The following SCG3 variants were observed in gnomAD, a reference collection of about 807,000 sequenced individuals.
The protein encoded by SCG3 is secretogranin-3.
SCG3 carries 38 observed loss-of-function variants against 56.2 expected under a neutral mutation model. The observed-to-expected ratio is 0.68, with a 90% CI of 0.52 to 0.89. The LOEUF is 0.89. Ranked by LOEUF, SCG3 falls within the 40% of genes least tolerant of loss-of-function variation. The pLI, the probability that SCG3 is intolerant of heterozygous loss-of-function variation, is 0.00. For synonymous variants in SCG3, 176 were observed against 184.2 expected (o/e 0.96, Z 0.36); for missense variants, 524 against 540.7 (o/e 0.97, Z 0.31).
At position 51,688,397 on chromosome 15, in the gene SCG3, G is replaced by A. The variant is rs367809385; in HGVS notation, c.535G>A (p.Gly179Ser). The change falls in exon 5 of 12, where the codon GGC (glycine) becomes AGC (serine). Residue 179 changes from glycine (G) to serine (S), a missense_variant. Transcript: ENST00000220478. ...GATTGTTTCTAAACTACTTAATCTC[G>A]GCCTTGTAAGTCATTTGGTAGGAAA... ...DKIVSKLLNL[G>S]LITESQAHTL... 34 of 1,612,526 alleles carry A rather than the reference G, an allele frequency of 2.1e-5. No individual in the cohort carries two copies. In the South Asian group the frequency reaches 2.5e-4, roughly 12 times the overall value.
chr15:51,713,304 G>A, intron 10 of SCG3, 29 bp from the exon 11 acceptor site: 2 of 1,427,058 alleles, frequency 1.4e-6, no homozygotes, highest in Non-Finnish European at 2.0e-6. Context: ...TTTCCTGAGT[G>A]TTTGATATAG....
At chr15:51,683,846 T>G (rs1030515211) in intron 4 of SCG3, among the ~76,000 whole-genome samples, 2 of 152,228 alleles carry the variant, frequency 1.3e-5, no homozygotes, top group Non-Finnish European at 2.9e-5. Flanking sequence ...CCTAGCCATA[T>G]CTTTTCTCCT....
intron 10 of SCG3, chr15:51,713,089 T>A (rs556516163): frequency 6.2e-6 from 2 of 323,996 alleles, no homozygotes; most frequent in African/African-American, 4.5e-5. Context: ...ATCATGCCCC[T>A]TGACACTTAC....
chr15:51,688,870 CAGGCTTTATTAAGATGCTA>C (rs2055247634), intron 5 of SCG3, among the ~76,000 whole-genome samples: 1 of 152,188 alleles, frequency 6.6e-6, no homozygotes, highest in South Asian at 2.1e-4. Flanking sequence ...CTGGCCCTGA[CAGGCTTTATTAAGATGCTA>C]ATTTTGTAGG....
chr15:51,714,246 A>C (rs2055438877), intron 11 of SCG3, among the ~76,000 whole-genome samples: 1 of 152,198 alleles, frequency 6.6e-6, no homozygotes, highest in Non-Finnish European at 1.5e-5. Context: ...TCTTCAGAGA[A>C]GGTTGGTTTT....
At position 51,701,122 on chromosome 15, in the gene SCG3, G is replaced by C. The variant is rs1168389743; in HGVS notation, c.1085G>C (p.Ser362Thr). Residue 362 changes from serine (S) to threonine (T), a missense_variant, in exon 10 of 12, where the codon AGT becomes ACT. Coordinates refer to ENST00000220478, the MANE Select transcript of SCG3 (RefSeq NM_013243.4). ...SKLFPAPSEK[S>T]HEETDSTKEE... is the part of the protein sequence containing the mutation. ...CTGATTACAGCACCATCAGAGAAGA[G>C]TCATGAAGAAACAGACAGTACCAAG... 1.2e-6 allele frequency: 2 copies of C among 1,613,874 alleles called. No homozygotes were observed. Among genetic ancestry groups the C allele is most frequent in the Non-Finnish European group, 1.7e-6 (2 of 1,179,954 alleles).
At chr15:51,689,501 C>T in intron 6 of SCG3, 133 bp downstream of exon 6, 1 of 1,167,046 alleles carries the variant, frequency 8.6e-7, no homozygotes, top group Non-Finnish European at 1.2e-6. Context: ...CATTTTTAGC[C>T]CATTTATATT....
chr15:51,701,223 G>T lies in SCG3; in HGVS notation c.1186G>T (p.Gly396Ter). 1.2e-6 allele frequency: 2 copies of T among 1,603,436 alleles called. No homozygotes were observed. The highest frequency in any genetic ancestry group is 1.7e-6 in the Non-Finnish European group (2 of 1,176,280). Residue 396 changes from glycine (G) to a stop codon, truncating the protein, a stop_gained, in exon 10 of 12, where the codon GGA becomes TGA. Transcript: ENST00000220478. LOFTEE classifies it high-confidence loss of function. ...AAAAGATGATAACTCCAACCCAGGA[G>T]GAAAGACAGATGAACCCAAAGGTAT... Reference protein sequence around the residue: ...STKDDNSNPGGKTDEPKGKTE... With the variant: ...STKDDNSNPG
chr15:51,684,307 G>A (rs147174072), intron 4 of SCG3, among the ~76,000 whole-genome samples: 7 of 152,178 alleles, frequency 4.6e-5, no homozygotes, highest in South Asian at 4.1e-4. Context: ...CAACCACTCC[G>A]CCTCTCCCCA....
In SCG3 at chr15:51,683,316, T is replaced by C. The variant is rs745410306; in HGVS notation, c.279T>C (p.Ser93=). ...EKEKIEKERQ[S]IRSSPLDNKL... ...AAAAAATTGAGAAAGAAAGACAATC[T>C]ATAAGAAGCTCCCCACTTGATAATA... Residue 93 remains serine (S), a synonymous_variant, in exon 4 of 12, where the codon TCT becomes TCC. Coordinates refer to ENST00000220478, the MANE Select transcript of SCG3 (RefSeq NM_013243.4). 15 of 1,613,484 alleles carry C rather than the reference T, an allele frequency of 9.3e-6. No individual in the cohort carries two copies. The highest frequency in any genetic ancestry group is 1.3e-5 in the Non-Finnish European group (15 of 1,179,502).
In SCG3 at chr15:51,683,207, C is replaced by T; in HGVS notation, c.182-12C>T. 1 of 1,610,684 alleles carries T rather than the reference C, an allele frequency of 6.2e-7. No individual in the cohort carries two copies. The highest frequency in any genetic ancestry group is 8.5e-7 in the Non-Finnish European group (1 of 1,177,660). On this transcript the variant is annotated splice_polypyrimidine_tract_variant and intron_variant, in intron 3 of 11. Coordinates refer to ENST00000220478, the MANE Select transcript of SCG3 (RefSeq NM_013243.4). ...TAAAATGGCTGTGTTGGGTTTGGGG[C>T]TATTCTTCCAGAAAACAAGCCAGGT... is the stretch of plus-strand genomic sequence containing the variant.
intron 10 of SCG3, among the ~76,000 whole-genome samples, chr15:51,704,315 A>G (rs1010819765): frequency 2.1e-5 from 3 of 144,510 alleles, no homozygotes; most frequent in Non-Finnish European, 3.0e-5. Flanking sequence ...TAAAATGTAC[A>G]TAACCTAAAA....
chr15:51,694,054 T>A (rs183149312), intron 7 of SCG3: 5 of 152,374 alleles, frequency 3.3e-5, no homozygotes, highest in Non-Finnish European at 5.9e-5. Flanking sequence ...ATGGCATTTT[T>A]AAAAATTCTA....
intron 10 of SCG3, among the ~76,000 whole-genome samples, chr15:51,706,883 T>A (rs1304135663): frequency 6.6e-6 from 1 of 152,202 alleles, no homozygotes; most frequent in Non-Finnish European, 1.5e-5. Context: ...TTAAGTATAA[T>A]ATTTTTAAAT....
intron 4 of SCG3, among the ~76,000 whole-genome samples, chr15:51,687,281 T>G (rs559051759): frequency 6.6e-6 from 1 of 152,212 alleles, no homozygotes; most frequent in African/African-American, 2.4e-5. Context: ...TCCAAGGATA[T>G]AGCTAACCAG....
intron 10 of SCG3, among the ~76,000 whole-genome samples, chr15:51,703,025 T>G (rs891084861): frequency 2.0e-5 from 3 of 152,006 alleles, no homozygotes; most frequent in African/African-American, 2.4e-5. Context: ...GGGTGGGGGG[T>G]GGTGGAGGAA....
chr15:51,692,182 T>A lies in SCG3; in HGVS notation c.714T>A (p.Asp238Glu). 3 of 1,611,032 alleles carry A rather than the reference T, an allele frequency of 1.9e-6. No homozygotes were observed. Among genetic ancestry groups the A allele is most frequent in the Non-Finnish European group, 2.5e-6 (3 of 1,178,710 alleles). The part of the protein sequence containing the change: ...EKVTPMAAIQ[D>E]GLAKGENDET... ...AGACTCCAATGGCAGCAATTCAAGATGGTCTTGCTAAGGGAGAAAACGATG... is the reference window on the plus strand; with the variant it reads ...AGACTCCAATGGCAGCAATTCAAGAAGGTCTTGCTAAGGGAGAAAACGATG... Residue 238 changes from aspartate (D) to glutamate (E), a missense_variant, in exon 7 of 12, where the codon GAT becomes GAA. Coordinates refer to ENST00000220478, the MANE Select transcript of SCG3 (RefSeq NM_013243.4).
At chr15:51,716,635 G>A (rs963138700) in intron 11 of SCG3, among the ~76,000 whole-genome samples, 18 of 152,176 alleles carry the variant, frequency 1.2e-4, no homozygotes, top group Admixed American at 4.6e-4. Flanking sequence ...GCTTTCTCCT[G>A]TTCTCTCACT....
chr15:51,699,327 G>A lies in SCG3; in HGVS notation c.994G>A (p.Asp332Asn), dbSNP rs759620294. ...TTCCTTCCTCCCTCCAGAAAACTTGGATGAAATGATTGCTCTTCAGACCAA... is the reference window on the plus strand; with the variant it reads ...TTCCTTCCTCCCTCCAGAAAACTTGAATGAAATGATTGCTCTTCAGACCAA... ...EEGVSYLENLDEMIALQTKNK... is the reference protein window; with the variant it reads ...EEGVSYLENLNEMIALQTKNK... Residue 332 changes from aspartate to asparagine, a missense_variant, in exon 9 of 12, where the codon GAT (aspartate) becomes AAT (asparagine). By Grantham distance (23) the Asp-to-Asn change is conservative. Coordinates refer to ENST00000220478, the MANE Select transcript of SCG3 (RefSeq NM_013243.4). 2.5e-6 allele frequency: 4 copies of A among 1,602,796 alleles called. No homozygotes were observed. Among genetic ancestry groups the A allele is most frequent in the African/African-American group, 2.7e-5 (2 of 74,106 alleles).
Sources: gnomAD v4.1 joint callset for allele counts (sites outside exome capture counted in the v4.1 genomes callset) on GRCh38, gnomAD v4.1.1 for gene constraint, MANE v1.5 for transcripts, NCBI Gene and HGNC (gene_info 2026-07-23, HGNC 2026-07-21) for gene names.